The following FKTN variants were observed in gnomAD, a reference collection of about 807,000 sequenced individuals.
FKTN encodes ribitol-5-phosphate transferase FKTN.
A neutral mutation model predicts 58.6 loss-of-function variants in FKTN; 47 were observed. The ratio of observed to expected loss-of-function variants is 0.80; its 90% CI spans 0.63 to 1.02. FKTN has a LOEUF of 1.02. FKTN is among the 50% of genes least tolerant of loss of function. The pLI, the probability that FKTN is intolerant of heterozygous loss-of-function variation, is 0.00. For missense variants in FKTN, 516 were observed against 537.3 expected (o/e 0.96, Z 0.39); for synonymous variants, 178 against 191.9 (o/e 0.93, Z 0.60).
chr9:105,609,056 A>G (rs2518129), intron 7 of FKTN, among the ~76,000 whole-genome samples: 8,622 of 152,266 alleles, frequency 0.057, 328 homozygotes, highest in Middle Eastern at 0.12. Flanking sequence ...CTCTTATCAA[A>G]TTTTATGAAC....
At position 105,610,570 on chromosome 9, in the gene FKTN, A is replaced by G. The variant is rs1317110865; in HGVS notation, c.780+2619A>G. Among the ~76,000 whole-genome samples the G allele has an allele frequency of 3.3e-5, 5 of 151,536 alleles. No homozygotes were observed. In the East Asian group the frequency reaches 5.8e-4, roughly 18 times the overall value. ...CCCTACCCCCTGTTCTTCTCACCCT[A>G]CCTGGGCACTGCTATCCTCTGCTGG... is the stretch of plus-strand genomic sequence containing the variant. On this transcript the variant is annotated intron_variant, in intron 7 of 10. Transcript: ENST00000357998.
rs74850312 is a variant in FKTN at position 105,571,038 on chromosome 9, A to G, written c.-180-2617A>G. Among the ~76,000 whole-genome samples the G allele has an allele frequency of 4.7e-3, 711 of 152,266 alleles. 7 individuals are homozygous for G. The highest frequency in any genetic ancestry group is 0.043 in the East Asian group (222 of 5,188). Reference sequence around the variant, plus strand: ...AGTCAGATTGTGAATACCCCTTTATACCATTATATGTAATTTGAACTATTT... The same window carrying G: ...AGTCAGATTGTGAATACCCCTTTATGCCATTATATGTAATTTGAACTATTT... On this transcript the variant is annotated intron_variant, in intron 1 of 10. Coordinates refer to ENST00000357998, the MANE Select transcript of FKTN (RefSeq NM_001079802.2).
At chr9:105,592,073 G>A (rs1347496874) in intron 3 of FKTN, among the ~76,000 whole-genome samples, 1 of 152,228 alleles carries the variant, frequency 6.6e-6, no homozygotes, top group Non-Finnish European at 1.5e-5. Context: ...CCAGGCCTGT[G>A]ATGGGAGGGG....
At position 105,637,342 on chromosome 9, in the gene FKTN, T is replaced by C; in HGVS notation, c.*2078T>C. ...AAGAGTGTCTGAAATCCAAGACATC[T>C]TGGCCCAATTGACACAGGTTCTATA... On this transcript the variant is annotated 3_prime_UTR_variant, in exon 11 of 11. Transcript: ENST00000357998. 1 of 985,394 alleles carries C rather than the reference T, an allele frequency of 1.0e-6. No homozygotes were observed. The highest frequency in any genetic ancestry group is 1.7e-5 in the African/African-American group (1 of 57,362). The allele number at this position is 985,394 out of a possible 1,614,324, so 61.0% of individuals were successfully genotyped here. A position where few individuals can be genotyped will look rare whatever the true frequency, so the allele number is the denominator to read the frequency against.
At chr9:105,601,058 C>A in intron 4 of FKTN, 87 bp from the exon 5 acceptor site, 1 of 801,486 alleles carries the variant, frequency 1.2e-6, no homozygotes, top group South Asian at 1.5e-5. Context: ...ACTCTGCATT[C>A]TTATACAATT....
chr9:105,632,543 G>T (rs910138617), intron 10 of FKTN, among the ~76,000 whole-genome samples: 1 of 151,920 alleles, frequency 6.6e-6, no homozygotes, highest in African/African-American at 2.4e-5. Context: ...TTGGTTCTGG[G>T]ATAGTGGAAG....
intron 8 of FKTN, among the ~76,000 whole-genome samples, chr9:105,617,732 T>C (rs1215615686): frequency 6.6e-6 from 1 of 152,130 alleles, no homozygotes; most frequent in Non-Finnish European, 1.5e-5. Context: ...TGAAGCATCT[T>C]AAGTCTAATC....
chr9:105,632,740 G>A (rs1214855012), intron 10 of FKTN, among the ~76,000 whole-genome samples: 1 of 152,110 alleles, frequency 6.6e-6, no homozygotes, highest in African/African-American at 2.4e-5. Context: ...AATAAAAGTG[G>A]TATGAAATAG....
chr9:105,580,141 T>C, intron 3 of FKTN, among the ~76,000 whole-genome samples: 1 of 152,164 alleles, frequency 6.6e-6, no homozygotes, highest in East Asian at 1.9e-4. Context: ...CTGTGTCTTT[T>C]AATTGGAGAA....
intron 10 of FKTN, among the ~76,000 whole-genome samples, chr9:105,624,782 A>G (rs917161080): frequency 1.3e-5 from 2 of 152,090 alleles, no homozygotes. Flanking sequence ...ATGTCTTGTT[A>G]TAGGTGTTTG....
intron 9 of FKTN, 83 bp from the exon 10 acceptor site, chr9:105,619,851 C>A: frequency 1.6e-6 from 2 of 1,273,980 alleles, no homozygotes; most frequent in Non-Finnish European, 2.2e-6. Flanking sequence ...GAATCTGTTT[C>A]TTTATTTTTA....
At chr9:105,604,626 A>G (rs374249581) in intron 6 of FKTN, 134 bp downstream of exon 6, 9 of 746,914 alleles carry the variant, frequency 1.2e-5, no homozygotes, top group South Asian at 7.0e-5. Flanking sequence ...ATTCTTAATG[A>G]CTCCAAATTA....
In FKTN at chr9:105,636,567, G is replaced by A. The variant is rs1012166274; in HGVS notation, c.*1303G>A. On this transcript the variant is annotated 3_prime_UTR_variant, in exon 11 of 11. Coordinates refer to ENST00000357998, the MANE Select transcript of FKTN (RefSeq NM_001079802.2). ...TCAAGATGTCTGAGTCAGCTAGGAT[G>A]CTGTTTACCCCATCTCTCTCTTATA... is the stretch of plus-strand genomic sequence containing the variant. 5.9e-5 allele frequency: 62 copies of A among 1,053,520 alleles called. No homozygotes were observed. The highest frequency in any genetic ancestry group is 7.1e-5 in the Non-Finnish European group (61 of 857,692). The allele number at this position is 1,053,520 out of a possible 1,614,324, so 65.3% of individuals were successfully genotyped here.
At chr9:105,587,627 C>T (rs1185094001) in intron 3 of FKTN, among the ~76,000 whole-genome samples, 1 of 152,072 alleles carries the variant, frequency 6.6e-6, no homozygotes, top group East Asian at 1.9e-4. Context: ...TACTACTGCC[C>T]CACTTCTTCT....
At chr9:105,565,425 A>G (rs34182142) in intron 1 of FKTN, among the ~76,000 whole-genome samples, 1 of 152,218 alleles carries the variant, frequency 6.6e-6, no homozygotes, top group Non-Finnish European at 1.5e-5. Context: ...AAAGACACAC[A>G]TAGGCTCAAA....
In FKTN at chr9:105,638,906, G is replaced by A. The variant is rs1834240361; in HGVS notation, c.*3642G>A. The A allele has an allele frequency of 2.0e-6, 2 of 985,204 alleles. No individual in the cohort carries two copies. The highest frequency in any genetic ancestry group is 2.3e-4 in the East Asian group (2 of 8,800). 61.0% of individuals were successfully genotyped at this position (985,204 alleles called of 1,614,324 possible). Reference sequence around the variant, plus strand: ...ACATAGATAGGCAGGATATTACATAGGTAAGCAGGAATTTATACATTGGGT... The same window carrying A: ...ACATAGATAGGCAGGATATTACATAAGTAAGCAGGAATTTATACATTGGGT... On this transcript the variant is annotated 3_prime_UTR_variant, in exon 11 of 11. Coordinates refer to ENST00000357998, the MANE Select transcript of FKTN (RefSeq NM_001079802.2).
At chr9:105,594,077 A>G (rs1368250041) in intron 3 of FKTN, among the ~76,000 whole-genome samples, 2 of 152,280 alleles carry the variant, frequency 1.3e-5, no homozygotes, top group South Asian at 2.1e-4. Context: ...ACTGATGGGA[A>G]TGATCCATCA....
chr9:105,618,788 G>A (rs1047827509), intron 9 of FKTN, among the ~76,000 whole-genome samples: 3 of 152,130 alleles, frequency 2.0e-5, no homozygotes, highest in East Asian at 1.9e-4. Flanking sequence ...ATGTTTAGTC[G>A]GCTGGGCGCG....
intron 1 of FKTN, among the ~76,000 whole-genome samples, chr9:105,570,294 A>C (rs561146756): frequency 6.6e-6 from 1 of 152,288 alleles, no homozygotes; most frequent in South Asian, 2.1e-4. Context: ...TAATTCAGCC[A>C]ATTTTAGGCT....
Sources: allele counts gnomAD v4.1 joint callset (sites outside exome capture counted in the v4.1 genomes callset), GRCh38; gene constraint gnomAD v4.1.1; transcripts MANE v1.5; gene names NCBI Gene and HGNC (gene_info 2026-07-23, HGNC 2026-07-21).